Variants in ANKRD44 observed in about 807,000 individuals in gnomAD.
The protein encoded by ANKRD44 is ankyrin repeat domain 44.
Under a neutral mutation model 116.0 loss-of-function variants are expected in ANKRD44, and 35 were observed. The observed-to-expected ratio is 0.30, with a 90% CI of 0.23 to 0.40. The LOEUF (loss-of-function observed/expected upper bound fraction) is 0.40. Ranked by LOEUF, ANKRD44 falls within the 10% of genes least tolerant of loss-of-function variation. The pLI, the probability that ANKRD44 is intolerant of heterozygous loss-of-function variation, is 1.00. For synonymous variants in ANKRD44, 435 were observed against 461.8 expected (o/e 0.94, Z 0.74); for missense variants, 1,014 against 1,242.6 (o/e 0.82, Z 2.77).
At chr2:197,304,424 C>G (rs996529581) in intron 1 of ANKRD44, among the ~76,000 whole-genome samples, 3 of 152,202 alleles carry the variant, frequency 2.0e-5, no homozygotes, top group Non-Finnish European at 2.9e-5. Context: ...GGTTAAAATC[C>G]TTCTCTGGAA....
chr2:197,061,460 T>G (rs1030626481), intron 16 of ANKRD44, among the ~76,000 whole-genome samples: 3 of 152,120 alleles, frequency 2.0e-5, no homozygotes, highest in African/African-American at 7.2e-5. Flanking sequence ...AAACAGCCTT[T>G]GGGGTGTAAA....
chr2:197,256,864 A>T (rs959313834), intron 1 of ANKRD44, among the ~76,000 whole-genome samples: 9 of 152,182 alleles, frequency 5.9e-5, no homozygotes, highest in African/African-American at 2.2e-4. Flanking sequence ...TAAATTGTAA[A>T]CTGTCCTGTA....
intron 1 of ANKRD44, among the ~76,000 whole-genome samples, chr2:197,244,994 G>C (rs1208926055): frequency 6.6e-6 from 1 of 152,176 alleles, no homozygotes. Flanking sequence ...AATAATAAAG[G>C]CCGGGTGTGG....
At chr2:197,208,097 A>C (rs1371642386) in intron 1 of ANKRD44, among the ~76,000 whole-genome samples, 1 of 152,194 alleles carries the variant, frequency 6.6e-6, no homozygotes, top group African/African-American at 2.4e-5. Context: ...TGTTACTGTC[A>C]ATGCTCAAAG....
intron 16 of ANKRD44, among the ~76,000 whole-genome samples, chr2:197,076,649 T>A (rs2077672952): frequency 6.6e-6 from 1 of 151,880 alleles, no homozygotes; most frequent in African/African-American, 2.4e-5. Context: ...ATTTTCTCCC[T>A]CCTCCCACCC....
intron 1 of ANKRD44, among the ~76,000 whole-genome samples, chr2:197,292,307 C>G (rs1471369501): frequency 6.6e-6 from 1 of 152,184 alleles, no homozygotes; most frequent in Non-Finnish European, 1.5e-5. Flanking sequence ...TAAAAGCATT[C>G]CTATTTATCC....
intron 9 of ANKRD44, among the ~76,000 whole-genome samples, chr2:197,101,099 T>C (rs2078283072): frequency 6.6e-6 from 1 of 152,214 alleles, no homozygotes; most frequent in South Asian, 2.1e-4. Flanking sequence ...TATTCCAATT[T>C]CTCAGACTGT....
At chr2:197,060,100 A>G (rs1238800134) in intron 16 of ANKRD44, among the ~76,000 whole-genome samples, 1 of 152,252 alleles carries the variant, frequency 6.6e-6, no homozygotes, top group Non-Finnish European at 1.5e-5. Context: ...CTTCTAGGAC[A>G]TCATGTTTTA....
chr2:197,167,508 G>A (rs754357753), intron 2 of ANKRD44, among the ~76,000 whole-genome samples: 1 of 152,080 alleles, frequency 6.6e-6, no homozygotes, highest in Non-Finnish European at 1.5e-5. Context: ...AATCATCGAA[G>A]ACTTCCCAGA....
intron 4 of ANKRD44, among the ~76,000 whole-genome samples, chr2:197,126,752 A>C (rs902960847): frequency 5.3e-5 from 8 of 150,730 alleles, no homozygotes; most frequent in Non-Finnish European, 1.2e-4. Context: ...CTAACGAAGA[A>C]AAAAAAAATC....
chr2:197,270,446 C>A (rs12471669), intron 1 of ANKRD44, among the ~76,000 whole-genome samples: 6,091 of 152,188 alleles, frequency 0.04, 205 homozygotes, highest in Admixed American at 0.11. Context: ...AGTAAACATT[C>A]ATGGCACCAA....
chr2:197,191,648 G>T (rs893996852), intron 1 of ANKRD44, among the ~76,000 whole-genome samples: 4 of 152,132 alleles, frequency 2.6e-5, no homozygotes, highest in Non-Finnish European at 4.4e-5. Context: ...GGAGCAAGAT[G>T]GTAATTTGTT....
intron 1 of ANKRD44, among the ~76,000 whole-genome samples, chr2:197,300,606 G>T (rs2083873534): frequency 6.6e-6 from 1 of 151,994 alleles, no homozygotes; most frequent in Non-Finnish European, 1.5e-5. Flanking sequence ...AGCTCCATGG[G>T]GAAAAAGGCC....
At chr2:196,970,201 G>T (rs1194062876) in intron 21 of ANKRD44, among the ~76,000 whole-genome samples, 1 of 152,154 alleles carries the variant, frequency 6.6e-6, no homozygotes, top group Non-Finnish European at 1.5e-5. Flanking sequence ...TTCTTCTTAT[G>T]ATGGAAGGAC....
At chr2:197,084,777 T>C (rs1340056394) in intron 13 of ANKRD44, among the ~76,000 whole-genome samples, 1 of 152,168 alleles carries the variant, frequency 6.6e-6, no homozygotes, top group African/African-American at 2.4e-5. Flanking sequence ...ATTTTAAATA[T>C]TTTACCTATT....
chr2:197,167,959 A>G (rs6725302), intron 2 of ANKRD44, among the ~76,000 whole-genome samples: 138,996 of 152,248 alleles, frequency 0.91, 64,751 homozygotes, highest in East Asian at 1. Flanking sequence ...TACCTGTAAC[A>G]TATAATTCAG....
chr2:197,099,611 G>C, intron 10 of ANKRD44: 2 of 1,276,524 alleles, frequency 1.6e-6, no homozygotes, highest in Admixed American at 7.5e-5. Flanking sequence ...ACCTCATTTG[G>C]ATGAAGCTAA....
intron 16 of ANKRD44, among the ~76,000 whole-genome samples, chr2:197,049,406 C>T (rs934526688): frequency 6.6e-6 from 1 of 152,042 alleles, no homozygotes; most frequent in Admixed American, 6.6e-5. Flanking sequence ...TTACAAGTTC[C>T]CAGGATACCA....
intron 13 of ANKRD44, among the ~76,000 whole-genome samples, chr2:197,085,316 C>G (rs62279204): frequency 6.6e-6 from 1 of 151,954 alleles, no homozygotes; most frequent in Admixed American, 6.6e-5. Context: ...AAAATGATAC[C>G]CAGTTCTTGT....
Sources: allele counts gnomAD v4.1 joint callset (sites outside exome capture counted in the v4.1 genomes callset), GRCh38; gene constraint gnomAD v4.1.1; transcripts MANE v1.5; gene names NCBI Gene and HGNC (gene_info 2026-07-23, HGNC 2026-07-21).